NKAIN1: variants seen among roughly 807,000 people sequenced by gnomAD.
NKAIN1 encodes the protein sodium/potassium-transporting ATPase subunit beta-1-interacting protein 1.
NKAIN1 carries 13 observed loss-of-function variants against 31.6 expected under a neutral mutation model. The observed-to-expected ratio is 0.41, with a 90% confidence interval of 0.27 to 0.65. The LOEUF (loss-of-function observed/expected upper bound fraction) is 0.65, where lower values mean the gene tolerates loss of function less well. Ranked by LOEUF, NKAIN1 falls within the 30% of genes least tolerant of loss-of-function variation. The pLI is 0.30. For missense variants in NKAIN1, 193 were observed against 262.2 expected (o/e 0.74, Z 1.82); for synonymous variants, 104 against 109.0 (o/e 0.95, Z 0.28).
rs1557666318 is a variant in NKAIN1, at chr1:31,239,332, G to A, written c.54+162C>T. Reference sequence around the variant, plus strand: ...CACAAAGAGACAGCCCGGCCAGCGGGAGCAGGCTCCGCCCGACCGCTCCGA... The same window carrying A: ...CACAAAGAGACAGCCCGGCCAGCGGAAGCAGGCTCCGCCCGACCGCTCCGA... On this transcript the variant is annotated intron_variant, in intron 1 of 6. Coordinates refer to ENST00000373736, the MANE Select transcript of NKAIN1 (RefSeq NM_024522.3). This position sits in a 1 kb window ranked among gnomAD's most constrained non-coding sequence, Gnocchi z 4.8. Among the ~76,000 whole-genome samples, 1 of 152,056 alleles carries A rather than the reference G, an allele frequency of 6.6e-6. No homozygotes were observed. The highest frequency in any genetic ancestry group is 1.5e-5 in the Non-Finnish European group (1 of 67,992).
At position 31,239,882 on chromosome 1, in the gene NKAIN1, A is replaced by T. The variant is rs1240233341; in HGVS notation, c.-335T>A. On this transcript the variant is annotated 5_prime_UTR_variant, in exon 1 of 7. Transcript: ENST00000373736. The surrounding 1 kb of genome is among the most constrained non-coding windows in gnomAD (Gnocchi z 4.8). ...CCCCGAGCGCGGCGCAGCGCAGAGCAGCACTGCCCAGCTGGGGCAGTCGCC... is the reference window on the plus strand; with the variant it reads ...CCCCGAGCGCGGCGCAGCGCAGAGCTGCACTGCCCAGCTGGGGCAGTCGCC... Among the ~76,000 whole-genome samples the T allele has an allele frequency of 6.6e-6, 1 of 152,056 alleles. No homozygotes were observed. Among genetic ancestry groups the T allele is most frequent in the African/African-American group, 2.4e-5 (1 of 41,448 alleles).
intron 1 of NKAIN1, among the ~76,000 whole-genome samples, chr1:31,189,379 C>A (rs770639832): frequency 6.6e-6 from 1 of 152,166 alleles, no homozygotes; most frequent in Non-Finnish European, 1.5e-5. Flanking sequence ...TGCAGTGGAA[C>A]TATCTCAGCT....
chr1:31,191,098 C>T (rs946355408), intron 1 of NKAIN1, among the ~76,000 whole-genome samples: 4 of 152,204 alleles, frequency 2.6e-5, no homozygotes, highest in Non-Finnish European at 5.9e-5. Flanking sequence ...CAAGACCAGC[C>T]TGGCCAACAT....
chr1:31,231,676 G>T (rs187775507), intron 1 of NKAIN1, among the ~76,000 whole-genome samples: 1 of 143,920 alleles, frequency 6.9e-6, no homozygotes, highest in East Asian at 2.1e-4. Flanking sequence ...AACTACAGGC[G>T]CCCGCCACCA....
chr1:31,195,100 C>G (rs1645314878), intron 1 of NKAIN1, among the ~76,000 whole-genome samples: 1 of 144,772 alleles, frequency 6.9e-6, no homozygotes, highest in Non-Finnish European at 1.5e-5. Context: ...CTCTTTCTCT[C>G]TCTTCTCTAT....
chr1:31,212,578 G>A (rs1211500638), intron 1 of NKAIN1, among the ~76,000 whole-genome samples: 1 of 152,002 alleles, frequency 6.6e-6, no homozygotes, highest in Non-Finnish European at 1.5e-5. Context: ...CTACTTTTTG[G>A]ATTTTTGATA....
chr1:31,220,754 C>CAAAAAA (rs772908877), intron 1 of NKAIN1, among the ~76,000 whole-genome samples: 5 of 58,908 alleles, frequency 8.5e-5, no homozygotes, highest in Non-Finnish European at 9.9e-5. Flanking sequence ...ACTCCATCTC[C>CAAAAAA]AAAAAAAAAA....
chr1:31,206,253 T>TAAATAAATAAATAAATAAATAAAA (rs1171738796), intron 1 of NKAIN1, among the ~76,000 whole-genome samples: 3 of 68,452 alleles, frequency 4.4e-5, no homozygotes, highest in Non-Finnish European at 1.3e-4. Context: ...AATAAATAAA[T>TAAATAAATAAATAAATAAATAAAA]AAAATAAAAA....
In NKAIN1 at chr1:31,184,014, C is replaced by T. The variant is rs1645223623; in HGVS notation, c.274G>A (p.Asp92Asn). The T allele has an allele frequency of 6.2e-7, 1 of 1,612,998 alleles. No individual in the cohort carries two copies. Among genetic ancestry groups the T allele is most frequent in the Non-Finnish European group, 8.5e-7 (1 of 1,179,568 alleles). Residue 92 changes from aspartate to asparagine, a missense_variant and splice_region_variant, in exon 4 of 7, where the codon GAC becomes AAC. Coordinates refer to ENST00000373736, the MANE Select transcript of NKAIN1 (RefSeq NM_024522.3). ...TTGAAGGTCATGATGAAGTCCCGGTCCTGGGGGCAAAGGGGCCTGGGATAC... is the reference window on the plus strand; with the variant it reads ...TTGAAGGTCATGATGAAGTCCCGGTTCTGGGGGCAAAGGGGCCTGGGATAC... ...FYLEVGQLSQ[D>N]RDFIMTFNTS...
At chr1:31,184,100 G>C (rs932734728) in intron 3 of NKAIN1, 86 bp from the exon 4 acceptor site, 43 of 1,232,552 alleles carry the variant, frequency 3.5e-5, no homozygotes, top group Non-Finnish European at 4.5e-5. Flanking sequence ...TATATTGATC[G>C]GTGAAGGGAT....
intron 1 of NKAIN1, among the ~76,000 whole-genome samples, chr1:31,236,022 A>T (rs1033410411): frequency 6.6e-6 from 1 of 152,208 alleles, no homozygotes; most frequent in Admixed American, 6.5e-5. Flanking sequence ...TACCTGCCAG[A>T]GTGCTAAATT....
intron 1 of NKAIN1, among the ~76,000 whole-genome samples, chr1:31,192,113 A>G (rs1645290187): frequency 1.3e-5 from 2 of 152,056 alleles, no homozygotes; most frequent in South Asian, 4.2e-4. Context: ...TAGTTTTCAC[A>G]GTGTAGCTCA....
intron 1 of NKAIN1, chr1:31,188,449 A>C: frequency 2.3e-6 from 1 of 427,218 alleles, no homozygotes; most frequent in Non-Finnish European, 4.3e-6. Context: ...CTAGCGGCTC[A>C]AGCTCCTGCA....
chr1:31,226,657 T>C (rs562725601), intron 1 of NKAIN1, among the ~76,000 whole-genome samples: 2 of 152,024 alleles, frequency 1.3e-5, no homozygotes, highest in South Asian at 4.2e-4. Flanking sequence ...CTGGAGTAGC[T>C]GGGATTACAG....
At chr1:31,226,283 A>G (rs2148366008) in intron 1 of NKAIN1, among the ~76,000 whole-genome samples, 1 of 151,964 alleles carries the variant, frequency 6.6e-6, no homozygotes, top group South Asian at 2.1e-4. Flanking sequence ...GTATCCATAA[A>G]TAATGTGCTG....
chr1:31,214,818 C>G (rs1027246440), intron 1 of NKAIN1, among the ~76,000 whole-genome samples: 1 of 152,166 alleles, frequency 6.6e-6, no homozygotes, highest in Non-Finnish European at 1.5e-5. Flanking sequence ...TGGAGAGGAC[C>G]CAGGTGGCTA....
At chr1:31,225,847 T>G (rs1011063935) in intron 1 of NKAIN1, among the ~76,000 whole-genome samples, 1 of 152,170 alleles carries the variant, frequency 6.6e-6, no homozygotes, top group African/African-American at 2.4e-5. Context: ...CTGGAGGCTG[T>G]AGGGAAGAGG....
intron 1 of NKAIN1, among the ~76,000 whole-genome samples, chr1:31,195,460 G>T (rs1349580997): frequency 1.3e-5 from 2 of 151,832 alleles, no homozygotes; most frequent in Non-Finnish European, 2.9e-5. Flanking sequence ...GCCCTGCCCT[G>T]CCGCCGCGGC....
At chr1:31,236,714 C>T (rs1645695188) in intron 1 of NKAIN1, among the ~76,000 whole-genome samples, 1 of 152,174 alleles carries the variant, frequency 6.6e-6, no homozygotes, top group Non-Finnish European at 1.5e-5. Flanking sequence ...AACCAGAATG[C>T]CACCCAGGTC....
Sources: gnomAD v4.1 joint callset for allele counts (sites outside exome capture counted in the v4.1 genomes callset) on GRCh38, gnomAD v4.1.1 for gene constraint, Gnocchi (gnomAD v3.1) non-coding constraint, MANE v1.5 for transcripts, NCBI Gene and HGNC (gene_info 2026-07-23, HGNC 2026-07-21) for gene names.